Variants in PREP observed in about 807,000 individuals in gnomAD.
The protein encoded by PREP is prolyl endopeptidase.
Under a neutral mutation model 87.6 loss-of-function variants are expected in PREP, and 29 were observed. That is an observed-to-expected ratio of 0.33 (90% confidence interval 0.25 to 0.45). PREP has a LOEUF of 0.45. PREP is among the 20% of genes least tolerant of loss of function. The pLI is 1.00. For synonymous variants in PREP, 337 were observed against 328.6 expected, an observed-to-expected ratio of 1.03 and a Z score of -0.28; for missense variants, 695 against 886.5, an observed-to-expected ratio of 0.78 and a Z score of 2.74.
chr6:105,397,161 G>A lies in PREP; in HGVS notation c.120+692C>T, dbSNP rs532667550. Reference sequence around the variant, plus strand: ...GATCGCACCAGTGCCCTACAGCCTGGGTGACAGAGTAAGACTCTGTCTACA... The same window carrying A: ...GATCGCACCAGTGCCCTACAGCCTGAGTGACAGAGTAAGACTCTGTCTACA... On this transcript the variant is annotated intron_variant, in intron 2 of 14. Coordinates refer to ENST00000652536, the MANE Select transcript of PREP (RefSeq NM_002726.5). 2.7e-5 allele frequency among the ~76,000 whole-genome samples: 4 copies of A among 145,742 alleles called. No homozygotes were observed. The South Asian group carries it at 8.7e-4, about 32-fold the overall frequency.
intron 10 of PREP, among the ~76,000 whole-genome samples, chr6:105,294,853 C>T (rs776793189): frequency 4.6e-5 from 7 of 152,184 alleles, no homozygotes; most frequent in African/African-American, 1.4e-4. Context: ...CTTATGAAGA[C>T]GTTCAGTTCT....
intron 3 of PREP, 65 bp downstream of exon 3, chr6:105,377,321 A>G: frequency 6.7e-7 from 1 of 1,501,910 alleles, no homozygotes; most frequent in African/African-American, 1.4e-5. Context: ...TGGAATTTGT[A>G]TTTTACAATT....
rs1257529935 is a variant in PREP at position 105,388,820 on chromosome 6, G to A, written c.120+9033C>T. Among the ~76,000 whole-genome samples, 4 of 152,212 alleles carry A rather than the reference G, an allele frequency of 2.6e-5. 1 individual carries two copies. The South Asian group carries it at 8.3e-4, about 31-fold the overall frequency. ...CCAGGCCCATATATGGGACATGAAT[G>A]AATGGGTAGAAGGTGTCTCACAGGC... is the stretch of plus-strand genomic sequence containing the variant. On this transcript the variant is annotated intron_variant, in intron 2 of 14. Transcript: ENST00000652536.
chr6:105,394,086 A>T (rs1773230194), intron 2 of PREP, among the ~76,000 whole-genome samples: 1 of 152,220 alleles, frequency 6.6e-6, no homozygotes, highest in Admixed American at 6.5e-5. Context: ...TTGTAAATAT[A>T]GTTGTAAGGA....
chr6:105,364,433 C>T (rs1772331217), intron 6 of PREP, among the ~76,000 whole-genome samples: 2 of 152,130 alleles, frequency 1.3e-5, no homozygotes, highest in Admixed American at 1.3e-4. Context: ...AGATGAGTCA[C>T]GAGGAGACAG....
rs572844278 is a variant in PREP, at chr6:105,376,717, A to G, written c.255-462T>C. The stretch of plus-strand genomic sequence containing the variant: ...TCTGTGAGCCATACAGTCTGTCACT[A>G]TAATACTCAGGCCTGTAGCTGCAGC... On this transcript the variant is annotated intron_variant, in intron 3 of 14. Coordinates refer to ENST00000652536, the MANE Select transcript of PREP (RefSeq NM_002726.5). 6.2e-4 allele frequency among the ~76,000 whole-genome samples: 94 copies of G among 152,212 alleles called. 1 individual carries two copies. Among genetic ancestry groups the G allele is most frequent in the Non-Finnish European group, 9.6e-4 (65 of 68,022 alleles).
In PREP at chr6:105,278,868, C is replaced by G. The variant is rs916767388; in HGVS notation, c.1839-430G>C. On this transcript the variant is annotated intron_variant, in intron 14 of 14. Transcript: ENST00000652536. This position sits in a 1 kb window ranked among gnomAD's most constrained non-coding sequence, Gnocchi z 4.2. ...GAAATCCACAGTATAAAGGGGCTTGCTGCCCCTTTAATAACATCTATAAAG... is the reference window on the plus strand; with the variant it reads ...GAAATCCACAGTATAAAGGGGCTTGGTGCCCCTTTAATAACATCTATAAAG... 1.3e-5 allele frequency: 2 copies of G among 157,436 alleles called. No individual in the cohort carries two copies. Among genetic ancestry groups the G allele is most frequent in the African/African-American group, 4.8e-5 (2 of 41,568 alleles). The allele number at this position is 157,436 out of a possible 1,614,324, so 9.8% of individuals were successfully genotyped here. A position where few individuals can be genotyped will look rare whatever the true frequency, so the allele number is the denominator to read the frequency against.
intron 10 of PREP, chr6:105,322,656 CA>C (rs1771042721): frequency 2.0e-6 from 2 of 990,344 alleles, no homozygotes; most frequent in African/African-American, 3.5e-5. Context: ...CAACCACAGG[CA>C]ATATGTAAAC....
At chr6:105,309,941 T>C (rs1422935995) in intron 10 of PREP, among the ~76,000 whole-genome samples, 1 of 152,226 alleles carries the variant, frequency 6.6e-6, no homozygotes, top group Non-Finnish European at 1.5e-5. Context: ...CTTTTCATTG[T>C]CTGGAGCCCA....
intron 10 of PREP, among the ~76,000 whole-genome samples, chr6:105,292,856 G>A (rs1355000684): frequency 6.6e-6 from 1 of 152,222 alleles, no homozygotes; most frequent in African/African-American, 2.4e-5. Context: ...ATGTTATGCA[G>A]ACGGCTTCTT....
intron 10 of PREP, 69 bp downstream of exon 10, chr6:105,323,595 CA>C: frequency 7.5e-7 from 1 of 1,327,934 alleles, no homozygotes; most frequent in Non-Finnish European, 1.1e-6. Flanking sequence ...TGATAAGCTA[CA>C]GTGTGAATGG....
chr6:105,346,557 G>C (rs1353989372), intron 7 of PREP, among the ~76,000 whole-genome samples: 1 of 152,234 alleles, frequency 6.6e-6, no homozygotes, highest in Non-Finnish European at 1.5e-5. Context: ...ACAGGTTAGT[G>C]AAAGTCTGGG....
At chr6:105,327,698 A>G (rs991880040) in intron 9 of PREP, among the ~76,000 whole-genome samples, 1 of 152,222 alleles carries the variant, frequency 6.6e-6, no homozygotes, top group Admixed American at 6.5e-5. Context: ...TCTAATGACC[A>G]AACGACTGCA....
At chr6:105,396,519 T>C (rs1773288507) in intron 2 of PREP, among the ~76,000 whole-genome samples, 1 of 152,162 alleles carries the variant, frequency 6.6e-6, no homozygotes, top group South Asian at 2.1e-4. Flanking sequence ...CTTGTCCCAG[T>C]GGGGAGATGG....
chr6:105,300,695 C>A (rs892545394), intron 10 of PREP, among the ~76,000 whole-genome samples: 1 of 151,826 alleles, frequency 6.6e-6, no homozygotes, highest in African/African-American at 2.4e-5. Flanking sequence ...TCAGAAATCC[C>A]ATCTCTGTTG....
chr6:105,380,858 G>C (rs953965896), intron 2 of PREP, among the ~76,000 whole-genome samples: 20 of 152,176 alleles, frequency 1.3e-4, no homozygotes, highest in Non-Finnish European at 2.9e-4. Flanking sequence ...GTGGGTCCAA[G>C]GGTCAGAGGC....
At chr6:105,367,155 AT>A (rs1248673010) in intron 6 of PREP, among the ~76,000 whole-genome samples, 1 of 152,034 alleles carries the variant, frequency 6.6e-6, no homozygotes, top group Non-Finnish European at 1.5e-5. Flanking sequence ...ATGAGATTAT[AT>A]ATCATATAAT....
chr6:105,358,028 A>G (rs1772147359), intron 6 of PREP, among the ~76,000 whole-genome samples: 1 of 152,040 alleles, frequency 6.6e-6, no homozygotes. Context: ...AAAACTAATA[A>G]TATTAGCCTG....
intron 5 of PREP, among the ~76,000 whole-genome samples, chr6:105,369,661 C>CT (rs898943578): frequency 2.7e-4 from 41 of 152,120 alleles, no homozygotes; most frequent in African/African-American, 9.2e-4. Flanking sequence ...AAAAAAGGTG[C>CT]TGGGACAACC....
Sources: allele counts gnomAD v4.1 joint callset (sites outside exome capture counted in the v4.1 genomes callset), GRCh38; gene constraint gnomAD v4.1.1; non-coding constraint Gnocchi (gnomAD v3.1); transcripts MANE v1.5; gene names NCBI Gene and HGNC (gene_info 2026-07-23, HGNC 2026-07-21).